The following BCOR variants were observed in gnomAD, a reference collection of about 807,000 sequenced individuals.
The protein encoded by BCOR is BCL-6 corepressor.
In BCOR, 10 loss-of-function variants were observed where a neutral mutation model predicts 86.7. The observed-to-expected ratio is 0.12, with a 90% CI of 0.07 to 0.20. The LOEUF is 0.20. Ranked by LOEUF, BCOR falls within the 10% of genes least tolerant of loss-of-function variation. BCOR has a pLI of 1.00. For missense variants in BCOR, 1,259 were observed against 1,452.1 expected (o/e 0.87, Z 2.16); for synonymous variants, 611 against 609.0 (o/e 1.00, Z -0.05).
intron 1 of BCOR, among the ~76,000 whole-genome samples, chrX:40,170,938 GGGTTGAGCC>G (rs1938607585): frequency 8.9e-6 from 1 of 111,936 alleles, no homozygotes; most frequent in South Asian, 3.7e-4. Flanking sequence ...TGAAGCAGAA[GGGTTGAGCC>G]GCATTTACAA....
At chrX:40,172,960 C>T (rs929162943) in intron 1 of BCOR, among the ~76,000 whole-genome samples, 2 of 112,961 alleles carry the variant, frequency 1.8e-5, no homozygotes, top group Non-Finnish European at 1.9e-5. Flanking sequence ...CCAGGGGGGC[C>T]TTTGCATTGC....
In BCOR at chrX:40,073,500, C is replaced by T. The variant is rs1935595351; in HGVS notation, c.1846G>A (p.Gly616Ser). The T allele has an allele frequency of 8.2e-7, 1 of 1,212,375 alleles. No homozygotes were observed. Among genetic ancestry groups the T allele is most frequent in the Admixed American group, 2.2e-5 (1 of 46,168 alleles). The change falls in exon 4 of 15, where the codon GGC becomes AGC. Residue 616 changes from glycine (G) to serine (S), a missense_variant. Coordinates refer to ENST00000378444, the MANE Select transcript of BCOR (RefSeq NM_001123385.2). ...GGTTCTGGGTTGCTGGCTTTGGCGC[C>T]CTTGCTGCTGGTGCTGCTACTGTGC... ...AKHSSSTSSK[G>S]AKASNPEPSF...
chrX:40,153,268 C>CA (rs1224318797), intron 1 of BCOR, among the ~76,000 whole-genome samples: 1 of 112,881 alleles, frequency 8.9e-6, no homozygotes, highest in Non-Finnish European at 1.9e-5. Flanking sequence ...TTTGGCCTTC[C>CA]AACCTTGGGG....
At chrX:40,139,637 C>A (rs1401081284) in intron 1 of BCOR, among the ~76,000 whole-genome samples, 4 of 98,814 alleles carry the variant, frequency 4.0e-5, no homozygotes, top group Non-Finnish European at 8.2e-5. Flanking sequence ...CGGTGAAACC[C>A]TGTCTCTACT....
chrX:40,077,722 T>G, intron 2 of BCOR, 122 bp downstream of exon 2: 1 of 605,768 alleles, frequency 1.7e-6, no homozygotes, highest in East Asian at 3.5e-5. Context: ...AAGAGCGGCC[T>G]ACTAGGCGGG....
At chrX:40,054,096 C>T in intron 13 of BCOR, 54 bp from the exon 14 acceptor site, 1 of 1,172,286 alleles carries the variant, frequency 8.5e-7, no homozygotes, top group Non-Finnish European at 1.2e-6. Context: ...GCAAGATGTC[C>T]ACAGTTGTCA....
intron 1 of BCOR, among the ~76,000 whole-genome samples, chrX:40,089,305 G>T (rs1230104029): frequency 1.8e-5 from 2 of 111,926 alleles, no homozygotes; most frequent in African/African-American, 6.5e-5. Flanking sequence ...TGCCCCCAAG[G>T]TCACACAGCT....
At chrX:40,066,178 G>A (rs1315540291) in intron 6 of BCOR, among the ~76,000 whole-genome samples, 1 of 111,771 alleles carries the variant, frequency 8.9e-6, no homozygotes, top group Non-Finnish European at 1.9e-5. Context: ...CCCCACCATG[G>A]AATACCACCC....
In BCOR at chrX:40,062,523, T is replaced by C. The variant is rs1602122900; in HGVS notation, c.4174-130A>G. 3.6e-6 allele frequency: 3 copies of C among 826,955 alleles called. No homozygotes were observed. The Admixed American group carries it at 8.4e-5, about 23-fold the overall frequency. 68.2% of individuals were successfully genotyped at this position (826,955 alleles called of 1,213,427 possible). ...TTTATTCCTTATCTTTTTTTGGGGGTGGGGGGTGCCTGTCAAAGGAGGGTT... is the reference window on the plus strand; with the variant it reads ...TTTATTCCTTATCTTTTTTTGGGGGCGGGGGGTGCCTGTCAAAGGAGGGTT... On this transcript the variant is annotated intron_variant, in intron 9 of 14. Transcript: ENST00000378444.
intron 1 of BCOR, among the ~76,000 whole-genome samples, chrX:40,170,245 G>A (rs1393238915): frequency 1.8e-5 from 2 of 112,215 alleles, no homozygotes; most frequent in African/African-American, 6.5e-5. Context: ...CGGTCCTGGG[G>A]CTGGGGGAAT....
chrX:40,171,757 G>A (rs2148032454), intron 1 of BCOR, among the ~76,000 whole-genome samples: 1 of 113,254 alleles, frequency 8.8e-6, no homozygotes, highest in Middle Eastern at 4.6e-3. Context: ...CTGTGGAAAG[G>A]AGGAGAGCCG....
At chrX:40,172,365 T>C (rs1938643269) in intron 1 of BCOR, among the ~76,000 whole-genome samples, 1 of 112,481 alleles carries the variant, frequency 8.9e-6, no homozygotes, top group Non-Finnish European at 1.9e-5. Context: ...CCCACAAGCC[T>C]GACTGTGCTT....
intron 1 of BCOR, among the ~76,000 whole-genome samples, chrX:40,105,726 G>A (rs918628193): frequency 8.9e-6 from 1 of 112,187 alleles, no homozygotes; most frequent in African/African-American, 3.2e-5. Context: ...ATAGGGCTCC[G>A]AAGCTCAGGG....
At chrX:40,126,214 CAAA>C (rs753237058) in intron 1 of BCOR, among the ~76,000 whole-genome samples, 2 of 35,106 alleles carry the variant, frequency 5.7e-5, no homozygotes, top group Admixed American at 3.8e-4. Context: ...GACTCCGTCT[CAAA>C]AAAAAAAAAA....
Position 40,171,641 on chromosome X carries a change from G to A in BCOR, c.-41+5366C>T, listed in dbSNP as rs377548043. 1.7e-3 allele frequency among the ~76,000 whole-genome samples: 195 copies of A among 113,131 alleles called. 4 individuals carry two copies. The East Asian group carries it at 0.046, about 27-fold the overall frequency. ...CGGCCAGGCGTGGAGTAGGGGAGCA[G>A]GGGGTGCCCCGCGTGGGCGCACCCT... On this transcript the variant is annotated intron_variant, in intron 1 of 14. Coordinates refer to the BCOR transcript ENST00000342274.
intron 1 of BCOR, among the ~76,000 whole-genome samples, chrX:40,150,766 C>T (rs1053194325): frequency 3.6e-5 from 4 of 111,642 alleles, no homozygotes; most frequent in Non-Finnish European, 7.5e-5. Context: ...AAGATTGGGC[C>T]CTGAGCCTGT....
intron 1 of BCOR, among the ~76,000 whole-genome samples, chrX:40,142,919 C>T (rs758656764): frequency 9.0e-6 from 1 of 111,667 alleles, no homozygotes; most frequent in Non-Finnish European, 1.9e-5. Context: ...TCCTCTCAGC[C>T]TACGTATATT....
chrX:40,053,608 A>G (rs903192719), intron 14 of BCOR, among the ~76,000 whole-genome samples: 2 of 111,728 alleles, frequency 1.8e-5, no homozygotes, highest in Admixed American at 9.5e-5. Flanking sequence ...ACCCTTCCAT[A>G]AAGTTCCAGT....
At position 40,074,228 on chromosome X, in the gene BCOR, G is replaced by A. The variant is rs1443453511; in HGVS notation, c.1118C>T (p.Ser373Leu). The A allele has an allele frequency of 2.5e-6, 3 of 1,210,987 alleles. No homozygotes were observed. The African/African-American group carries it at 5.2e-5, about 21-fold the overall frequency. The change falls in exon 4 of 15, where the codon TCA becomes TTA. Residue 373 changes from serine (S) to leucine (L), a missense_variant. Physicochemically the swap from Ser to Leu is moderately radical, Grantham distance 145 (BLOSUM62 -2). Coordinates refer to ENST00000378444, the MANE Select transcript of BCOR (RefSeq NM_001123385.2). ...RISTSPSVAL[S>L]KPYMTVSSEF... ...GCTGCTAACTGTCATGTATGGCTTTGACAGGGCAACTGAAGGAGAGGTGGA... is the reference window on the plus strand; with the variant it reads ...GCTGCTAACTGTCATGTATGGCTTTAACAGGGCAACTGAAGGAGAGGTGGA...
Sources: allele counts gnomAD v4.1 joint callset (sites outside exome capture counted in the v4.1 genomes callset), GRCh38; gene constraint gnomAD v4.1.1; transcripts MANE v1.5; gene names NCBI Gene and HGNC (gene_info 2026-07-23, HGNC 2026-07-21).